The following FOCAD variants were observed in gnomAD, a reference collection of about 807,000 sequenced individuals.
The protein encoded by FOCAD is focadhesin.
FOCAD carries 198 observed loss-of-function variants against 225.6 expected under a neutral mutation model. The ratio of observed to expected loss-of-function variants is 0.88; its 90% confidence interval spans 0.78 to 0.99. The LOEUF (loss-of-function observed/expected upper bound fraction) is 0.99, where lower values mean the gene tolerates loss of function less well. Among genes scored for constraint, FOCAD ranks in the 50% least tolerant of loss-of-function variants. The pLI, the probability that FOCAD is intolerant of heterozygous loss-of-function variation, is 0.00. For missense variants in FOCAD, 2,713 were observed against 2,123.6 expected, an observed-to-expected ratio of 1.28 and a Z score of -5.46; for synonymous variants, 897 against 755.0, an observed-to-expected ratio of 1.19 and a Z score of -3.08.
chr9:20,755,422 C>G (rs1828960063), intron 5 of FOCAD, among the ~76,000 whole-genome samples: 1 of 152,142 alleles, frequency 6.6e-6, no homozygotes, highest in African/African-American at 2.4e-5. Flanking sequence ...GAATTGTTTG[C>G]CACATATACA....
chr9:20,763,825 A>G (rs1179358580), intron 6 of FOCAD, among the ~76,000 whole-genome samples: 3 of 152,132 alleles, frequency 2.0e-5, no homozygotes, highest in African/African-American at 7.2e-5. Flanking sequence ...TAATGACATG[A>G]CCATATTTTT....
intron 23 of FOCAD, 48 bp downstream of exon 23, chr9:20,913,002 T>C: frequency 6.7e-7 from 1 of 1,485,322 alleles, no homozygotes; most frequent in Non-Finnish European, 9.4e-7. Context: ...GGAAGTGAGC[T>C]ATGAGGGGAA....
At chr9:20,957,796 G>A (rs1838339265) in intron 35 of FOCAD, among the ~76,000 whole-genome samples, 1 of 145,004 alleles carries the variant, frequency 6.9e-6, no homozygotes, top group Admixed American at 7.3e-5. Context: ...TTACAGGTAT[G>A]CACCACCATA....
rs1455419068 is a variant in FOCAD, at chr9:20,693,426, TTATCTTCAGAAATGCTATGTAATTTAC to T, written c.-33+9137_-33+9163del. Among the ~76,000 whole-genome samples, 8 of 152,352 alleles carry T rather than the reference TTATCTTCAGAAATGCTATGTAATTTAC, an allele frequency of 5.3e-5. No homozygotes were observed. The South Asian group carries it at 1.7e-3, about 32-fold the overall frequency. ...TCTGGTTTACTTTTATCCATAGCAC[TTATCTTCAGAAATGCTATGTAATTTAC>T]TATTTTGCTTATTCTTGTCTTGCCT... On this transcript the variant is annotated intron_variant, in intron 1 of 43. Coordinates refer to ENST00000338382, the MANE Select transcript of FOCAD (RefSeq NM_001375567.1).
At chr9:20,822,550 C>T (rs1824441682) in intron 14 of FOCAD, among the ~76,000 whole-genome samples, 2 of 151,926 alleles carry the variant, frequency 1.3e-5, no homozygotes, top group Admixed American at 6.6e-5. Context: ...ATAGGTGTAA[C>T]CACCCTAGTT....
At chr9:20,849,967 G>A (rs1048083428) in intron 15 of FOCAD, among the ~76,000 whole-genome samples, 3 of 151,710 alleles carry the variant, frequency 2.0e-5, no homozygotes, top group African/African-American at 7.3e-5. Context: ...TTTTTATCAA[G>A]GAACCATCTT....
At chr9:20,938,487 C>G (rs1339100744) in intron 28 of FOCAD, among the ~76,000 whole-genome samples, 1 of 151,862 alleles carries the variant, frequency 6.6e-6, no homozygotes, top group African/African-American at 2.4e-5. Flanking sequence ...AGGACAAAAA[C>G]CAAACACCAC....
chr9:20,989,173 G>A (rs1484314136), intron 41 of FOCAD, among the ~76,000 whole-genome samples: 3 of 152,118 alleles, frequency 2.0e-5, no homozygotes, highest in Non-Finnish European at 4.4e-5. Flanking sequence ...AGTCAAATTT[G>A]CATAACCTGG....
chr9:20,721,051 C>A (rs538365657), intron 4 of FOCAD, among the ~76,000 whole-genome samples: 1 of 152,240 alleles, frequency 6.6e-6, no homozygotes, highest in South Asian at 2.1e-4. Context: ...GACCATATTT[C>A]GTCCATTTAC....
intron 28 of FOCAD, among the ~76,000 whole-genome samples, chr9:20,942,844 A>G (rs1009070571): frequency 2.6e-5 from 4 of 152,250 alleles, no homozygotes; most frequent in South Asian, 2.1e-4. Context: ...TTAAAATTGT[A>G]TGAAGTAAAT....
chr9:20,888,788 C>T (rs1326264657), intron 21 of FOCAD, among the ~76,000 whole-genome samples: 1 of 152,054 alleles, frequency 6.6e-6, no homozygotes, highest in Non-Finnish European at 1.5e-5. Flanking sequence ...ACGTGAGTTT[C>T]CCTGCACACC....
chr9:20,965,049 T>G (rs926524045), intron 35 of FOCAD, among the ~76,000 whole-genome samples: 1 of 152,138 alleles, frequency 6.6e-6, no homozygotes, highest in Non-Finnish European at 1.5e-5. Context: ...ATAAGTAATA[T>G]TTGAAACTGT....
chr9:20,672,614 C>G (rs865909023), intron 2 of FOCAD, among the ~76,000 whole-genome samples: 1 of 152,170 alleles, frequency 6.6e-6, no homozygotes, highest in African/African-American at 2.4e-5. Context: ...CCACGCCCAG[C>G]TAATTTTTGT....
At position 20,974,625 on chromosome 9, in the gene FOCAD, A is replaced by T. The variant is rs59881003; in HGVS notation, c.4133-1795A>T. Among the ~76,000 whole-genome samples, 10 of 136,776 alleles carry T rather than the reference A, an allele frequency of 7.3e-5. No homozygotes were observed. In the South Asian group the frequency reaches 1.2e-3, roughly 16 times the overall value. The allele number at this position is 136,776 out of a possible 152,430, so 89.7% of individuals were successfully genotyped here. ...GCTTCTCCTTTTTCCTATGCTTCTC[A>T]TTTCTGCTGCTGTTTTCACGTTTGC... On this transcript the variant is annotated intron_variant, in intron 35 of 43. Coordinates refer to ENST00000338382, the MANE Select transcript of FOCAD (RefSeq NM_001375567.1).
chr9:20,723,941 G>A (rs1271094168), intron 4 of FOCAD, among the ~76,000 whole-genome samples: 2 of 152,076 alleles, frequency 1.3e-5, no homozygotes, highest in African/African-American at 2.4e-5. Flanking sequence ...AAGGCAAAGA[G>A]GGAGCAGGCA....
intron 8 of FOCAD, among the ~76,000 whole-genome samples, chr9:20,777,306 T>C (rs1333789223): frequency 8.0e-5 from 2 of 24,970 alleles, no homozygotes; most frequent in South Asian, 1.9e-3. Flanking sequence ...TCCTGTGGGT[T>C]TTTTTTTTTT....
chr9:20,925,204 A>G (rs1209397998), intron 25 of FOCAD, among the ~76,000 whole-genome samples: 1 of 152,236 alleles, frequency 6.6e-6, no homozygotes, highest in Non-Finnish European at 1.5e-5. Context: ...GAAATGTTTC[A>G]TGTCTTTCAG....
intron 8 of FOCAD, among the ~76,000 whole-genome samples, chr9:20,774,549 C>T (rs1818567997): frequency 6.6e-6 from 1 of 152,130 alleles, no homozygotes; most frequent in Non-Finnish European, 1.5e-5. Flanking sequence ...ATGCTGTACT[C>T]TTTTGCCTTT....
intron 6 of FOCAD, among the ~76,000 whole-genome samples, chr9:20,764,398 T>C (rs1276846346): frequency 1.3e-5 from 2 of 152,012 alleles, no homozygotes; most frequent in African/African-American, 4.8e-5. Context: ...GGACTACAGG[T>C]GCATGCCACC....
Sources: gnomAD v4.1 joint callset for allele counts (sites outside exome capture counted in the v4.1 genomes callset) on GRCh38, gnomAD v4.1.1 for gene constraint, MANE v1.5 for transcripts, NCBI Gene and HGNC (gene_info 2026-07-23, HGNC 2026-07-21) for gene names.